The following TSPEAR variants were observed in gnomAD, a reference collection of about 807,000 sequenced individuals.
The protein encoded by TSPEAR is thrombospondin-type laminin G domain and EAR repeat-containing protein.
In TSPEAR, 69 loss-of-function variants were observed where a neutral mutation model predicts 71.6. That is an observed-to-expected ratio of 0.96 (90% CI 0.79 to 1.18). The LOEUF (loss-of-function observed/expected upper bound fraction) is 1.18. Among genes scored for constraint, TSPEAR ranks in the 50% most tolerant of loss-of-function variants. TSPEAR has a pLI of 0.00. For missense variants in TSPEAR, 971 were observed against 894.9 expected, an observed-to-expected ratio of 1.09 and a Z score of -1.09; for synonymous variants, 402 against 387.2, an observed-to-expected ratio of 1.04 and a Z score of -0.45.
chr21:44,524,472 TAGTC>T (rs1416193475), intron 8 of TSPEAR, among the ~76,000 whole-genome samples: 55 of 149,156 alleles, frequency 3.7e-4, no homozygotes, highest in Middle Eastern at 3.8e-3. Flanking sequence ...GGTAGTTAGG[TAGTC>T]AGTCAGTCAG....
chr21:44,510,298 A>C (rs2052332373), intron 9 of TSPEAR, among the ~76,000 whole-genome samples: 1 of 152,120 alleles, frequency 6.6e-6, no homozygotes, highest in South Asian at 2.1e-4. Context: ...CTGAGGACGG[A>C]GCCGGTCATG....
At chr21:44,654,175 G>A (rs1285209579) in intron 1 of TSPEAR, 20 of 965,148 alleles carry the variant, frequency 2.1e-5, no homozygotes, top group African/African-American at 1.1e-4. Context: ...GTCAGGTGAC[G>A]ACAGTTTGCT....
At chr21:44,700,482 C>T (rs1417251803) in intron 1 of TSPEAR, among the ~76,000 whole-genome samples, 6 of 152,160 alleles carry the variant, frequency 3.9e-5, no homozygotes, top group African/African-American at 1.4e-4. Context: ...TCCCAGAACC[C>T]CCCTTGCCAA....
intron 1 of TSPEAR, chr21:44,675,832 A>G: frequency 3.3e-6 from 2 of 606,260 alleles, no homozygotes; most frequent in Non-Finnish European, 6.0e-6. Context: ...GATTTCCTTG[A>G]CATGAAATAC....
chr21:44,647,506 C>T, intron 1 of TSPEAR: 1 of 933,680 alleles, frequency 1.1e-6, no homozygotes, highest in East Asian at 2.6e-5. Flanking sequence ...TCACACTTTC[C>T]TCCCCACTGT....
At chr21:44,698,036 C>T (rs782623432) in intron 1 of TSPEAR, 21 of 1,438,874 alleles carry the variant, frequency 1.5e-5, no homozygotes, top group Non-Finnish European at 1.7e-5. Flanking sequence ...ACTGGCCCCT[C>T]GGCTGCTCTG....
intron 1 of TSPEAR, among the ~76,000 whole-genome samples, chr21:44,581,014 T>A (rs1400814067): frequency 3.3e-5 from 5 of 152,214 alleles, no homozygotes; most frequent in African/African-American, 4.8e-5. Context: ...TTTTAGCATA[T>A]TAAAATATAA....
intron 1 of TSPEAR, among the ~76,000 whole-genome samples, chr21:44,639,272 C>T (rs1302401315): frequency 6.6e-6 from 1 of 152,104 alleles, no homozygotes; most frequent in African/African-American, 2.4e-5. Flanking sequence ...GATGCCACGT[C>T]GGGGAAGTGG....
intron 1 of TSPEAR, among the ~76,000 whole-genome samples, chr21:44,630,061 C>T (rs1413023485): frequency 6.6e-6 from 1 of 152,164 alleles, no homozygotes; most frequent in Admixed American, 6.5e-5. Flanking sequence ...TACACACACT[C>T]ACAGTGATAG....
intron 1 of TSPEAR, among the ~76,000 whole-genome samples, chr21:44,617,876 T>A (rs1465084709): frequency 3.3e-5 from 5 of 152,268 alleles, no homozygotes; most frequent in Admixed American, 6.5e-5. Flanking sequence ...CACTCAGATA[T>A]GTGTTTGCCT....
At chr21:44,616,119 G>A (rs587616658) in intron 1 of TSPEAR, among the ~76,000 whole-genome samples, 11 of 152,264 alleles carry the variant, frequency 7.2e-5, no homozygotes, top group African/African-American at 2.6e-4. Flanking sequence ...CCTCCCAGCG[G>A]GGCTTCCTAT....
intron 2 of TSPEAR, chr21:44,539,121 A>T: frequency 7.3e-6 from 8 of 1,097,226 alleles, no homozygotes; most frequent in Non-Finnish European, 1.0e-5. Flanking sequence ...GGAAGGCAAG[A>T]GCTGGGGAGC....
Position 44,612,305 on chromosome 21 carries a change from G to A in TSPEAR, c.83-44300C>T. ...CTGTACCCCTAGCTGCTGTGCCCCAGCCCCCTGCCTGGCCCTGGTCTGTGC... is the reference window on the plus strand; with the variant it reads ...CTGTACCCCTAGCTGCTGTGCCCCAACCCCCTGCCTGGCCCTGGTCTGTGC... On this transcript the variant is annotated intron_variant, in intron 1 of 11. Coordinates refer to ENST00000323084, the MANE Select transcript of TSPEAR (RefSeq NM_144991.3). The surrounding 1 kb of genome is among the most constrained non-coding windows in gnomAD (Gnocchi z 4.1). 6.2e-7 allele frequency: 1 copy of A among 1,613,496 alleles called. No homozygotes were observed. Among genetic ancestry groups the A allele is most frequent in the Non-Finnish European group, 8.5e-7 (1 of 1,179,980 alleles).
At chr21:44,528,293 C>T (rs1346829946) in intron 6 of TSPEAR, among the ~76,000 whole-genome samples, 159 bp downstream of exon 6, 2 of 152,176 alleles carry the variant, frequency 1.3e-5, no homozygotes, top group African/African-American at 4.8e-5. Context: ...GGGGTCAGGA[C>T]TGATGCTGCC....
intron 1 of TSPEAR, among the ~76,000 whole-genome samples, chr21:44,635,336 A>T (rs1403885726): frequency 1.8e-5 from 2 of 113,740 alleles, no homozygotes; most frequent in Non-Finnish European, 3.4e-5. Flanking sequence ...ACAGAGGGAG[A>T]CTCTGTCTCA....
chr21:44,590,002 G>A (rs1979656078), intron 1 of TSPEAR, among the ~76,000 whole-genome samples: 1 of 152,260 alleles, frequency 6.6e-6, no homozygotes, highest in Admixed American at 6.5e-5. Context: ...TGCTTCCAAG[G>A]AGGTGGACAA....
intron 1 of TSPEAR, chr21:44,574,340 C>A (rs782037880): frequency 1.2e-6 from 2 of 1,609,680 alleles, no homozygotes; most frequent in Admixed American, 1.7e-5. Flanking sequence ...GTGAGCCCAG[C>A]CCCTGCCAAT....
In TSPEAR at chr21:44,506,902, C is replaced by T. The variant is rs1337794437; in HGVS notation, c.1755-2021G>A. 1.3e-5 allele frequency: 2 copies of T among 152,186 alleles called. No homozygotes were observed. The highest frequency in any genetic ancestry group is 6.5e-5 in the Admixed American group (1 of 15,282). The allele number at this position is 152,186 out of a possible 1,614,324, so 9.4% of individuals were successfully genotyped here. On this transcript the variant is annotated intron_variant, in intron 10 of 11. Transcript: ENST00000323084. This position sits in a 1 kb window ranked among gnomAD's most constrained non-coding sequence, Gnocchi z 4.2. ...ACCACAAAATAAGGCATCTAGTGCC[C>T]GATTCTGCCTCCAAAGCAGCCCTGG...
intron 1 of TSPEAR, chr21:44,678,140 G>T: frequency 1.7e-6 from 1 of 586,080 alleles, no homozygotes; most frequent in Non-Finnish European, 3.1e-6. Context: ...GGCGGCACGA[G>T]TAAGTGGAGG....
Sources: allele counts gnomAD v4.1 joint callset (sites outside exome capture counted in the v4.1 genomes callset), GRCh38; gene constraint gnomAD v4.1.1; non-coding constraint Gnocchi (gnomAD v3.1); transcripts MANE v1.5; gene names NCBI Gene and HGNC (gene_info 2026-07-23, HGNC 2026-07-21).